QRFPR: variants seen among roughly 807,000 people sequenced by gnomAD.
QRFPR encodes the protein pyroglutamylated RFamide peptide receptor.
A neutral mutation model predicts 31.3 loss-of-function variants in QRFPR; 37 were observed. The ratio of observed to expected loss-of-function variants is 1.18; its 90% confidence interval spans 0.91 to 1.56. The LOEUF is 1.56. QRFPR is among the 40% of genes most tolerant of loss of function. The pLI is 0.00. For synonymous variants in QRFPR, 197 were observed against 192.0 expected, an observed-to-expected ratio of 1.03 and a Z score of -0.22; for missense variants, 542 against 532.5, an observed-to-expected ratio of 1.02 and a Z score of -0.18.
rs939513871 is a variant in QRFPR, at chr4:121,380,626, G to C, written c.22C>G (p.Pro8Ala). ...CGCAGCAGCCGAGAGAACTGCTCCG[G>C]GGTAATGTTAAGCGCCTGCATTGCT... MQALNIT[P>A]EQFSRLLRDH... The change falls in exon 1 of 6, where the codon CCG becomes GCG. Residue 8 changes from proline (P) to alanine (A), a missense_variant. Coordinates refer to ENST00000394427, the MANE Select transcript of QRFPR (RefSeq NM_198179.3). 1 of 1,579,892 alleles carries C rather than the reference G, an allele frequency of 6.3e-7. No individual in the cohort carries two copies. Among genetic ancestry groups the C allele is most frequent in the African/African-American group, 1.3e-5 (1 of 74,236 alleles).
intron 2 of QRFPR, 81 bp downstream of exon 2, chr4:121,340,371 C>T (rs2110470174): frequency 6.9e-7 from 1 of 1,458,430 alleles, no homozygotes; most frequent in South Asian, 1.2e-5. Flanking sequence ...AGAAGCTACT[C>T]TTCTAGTTTA....
intron 1 of QRFPR, among the ~76,000 whole-genome samples, 153 bp downstream of exon 1, chr4:121,380,155 A>G (rs1480661677): frequency 6.8e-6 from 1 of 147,216 alleles, no homozygotes; most frequent in Non-Finnish European, 1.5e-5. Context: ...TAAGGAAGAG[A>G]CAGACGAGAG....
chr4:121,370,396 G>A (rs917716677), intron 1 of QRFPR: 6 of 695,504 alleles, frequency 8.6e-6, no homozygotes, highest in African/African-American at 3.5e-5. Context: ...CTGCCACCAC[G>A]GTGAAATGAT....
chr4:121,350,423 T>G (rs578074270), intron 1 of QRFPR, among the ~76,000 whole-genome samples: 5 of 152,308 alleles, frequency 3.3e-5, no homozygotes, highest in South Asian at 4.1e-4. Flanking sequence ...TATTTCAGAT[T>G]GACATTCTGA....
intron 1 of QRFPR, among the ~76,000 whole-genome samples, chr4:121,341,045 A>G (rs575403066): frequency 1.3e-4 from 20 of 151,972 alleles, no homozygotes; most frequent in African/African-American, 4.6e-4. Context: ...TTCTTCTTTT[A>G]TCATTTATTC....
intron 1 of QRFPR, among the ~76,000 whole-genome samples, chr4:121,354,992 G>A (rs1725837454): frequency 6.6e-6 from 1 of 151,916 alleles, no homozygotes; most frequent in Non-Finnish European, 1.5e-5. Flanking sequence ...AGAGGTTTTT[G>A]CATCTATGCT....
At chr4:121,370,589 G>A (rs139949209) in intron 1 of QRFPR, among the ~76,000 whole-genome samples, 12 of 152,286 alleles carry the variant, frequency 7.9e-5, no homozygotes, top group African/African-American at 2.2e-4. Context: ...AGGCTGTGGC[G>A]CATCTGGACC....
chr4:121,340,321 G>A lies in QRFPR; in HGVS notation c.499+131C>T, dbSNP rs762437582. 1.3e-5 allele frequency: 13 copies of A among 1,008,992 alleles called. No individual in the cohort carries two copies. In the Admixed American group the frequency reaches 2.3e-4, roughly 18 times the overall value. The allele number at this position is 1,008,992 out of a possible 1,614,324, so 62.5% of individuals were successfully genotyped here. A position where few individuals can be genotyped will look rare whatever the true frequency, so the allele number is the denominator to read the frequency against. ...GATGAAGGCAAACAGGGAAAGCACT[G>A]AAACTCTCAAATTATATTCCAATGC... On this transcript the variant is annotated intron_variant, in intron 2 of 5. Transcript: ENST00000394427.
chr4:121,358,729 T>C (rs997854284), intron 1 of QRFPR, among the ~76,000 whole-genome samples: 1 of 152,240 alleles, frequency 6.6e-6, no homozygotes, highest in Non-Finnish European at 1.5e-5. Flanking sequence ...TCTCTTCTTT[T>C]GTCCTTATTT....
intron 1 of QRFPR, among the ~76,000 whole-genome samples, chr4:121,352,170 G>T (rs1431766111): frequency 6.6e-6 from 1 of 152,004 alleles, no homozygotes; most frequent in African/African-American, 2.4e-5. Context: ...TGGATTATGA[G>T]TTAAAAATTC....
At chr4:121,360,635 C>T (rs1481894381) in intron 1 of QRFPR, among the ~76,000 whole-genome samples, 1 of 152,098 alleles carries the variant, frequency 6.6e-6, no homozygotes, top group Non-Finnish European at 1.5e-5. Context: ...ACTGTATTTC[C>T]ATTTTGTAAA....
intron 1 of QRFPR, among the ~76,000 whole-genome samples, chr4:121,342,359 A>T (rs1725559563): frequency 6.6e-6 from 1 of 152,082 alleles, no homozygotes. Flanking sequence ...GGAACTTCCC[A>T]GTGTCTGCAG....
At chr4:121,344,861 A>C (rs963889693) in intron 1 of QRFPR, among the ~76,000 whole-genome samples, 3 of 152,178 alleles carry the variant, frequency 2.0e-5, no homozygotes, top group African/African-American at 7.2e-5. Flanking sequence ...TATGGGTCTA[A>C]ATTATTTGTA....
At chr4:121,344,638 C>T (rs1725609604) in intron 1 of QRFPR, among the ~76,000 whole-genome samples, 1 of 152,146 alleles carries the variant, frequency 6.6e-6, no homozygotes, top group South Asian at 2.1e-4. Flanking sequence ...TTTATTTTCA[C>T]TCTAACCATC....
intron 1 of QRFPR, among the ~76,000 whole-genome samples, chr4:121,357,990 C>A (rs1316470412): frequency 6.6e-6 from 1 of 152,138 alleles, no homozygotes; most frequent in Non-Finnish European, 1.5e-5. Flanking sequence ...ACAGGCTGTG[C>A]AACATATATA....
At chr4:121,338,935 A>G (rs935916158) in intron 2 of QRFPR, among the ~76,000 whole-genome samples, 6 of 152,102 alleles carry the variant, frequency 3.9e-5, no homozygotes, top group African/African-American at 1.4e-4. Flanking sequence ...TTCCATCCCC[A>G]CATGCTGTTT....
At chr4:121,340,135 T>TAA in intron 2 of QRFPR, 1 of 150,584 alleles carries the variant, frequency 6.6e-6, no homozygotes, top group Non-Finnish European at 1.3e-5. Flanking sequence ...AAAAAAAAGA[T>TAA]AGTTCTCAAT....
intron 1 of QRFPR, among the ~76,000 whole-genome samples, chr4:121,354,827 A>G (rs1725834255): frequency 6.6e-6 from 1 of 152,050 alleles, no homozygotes; most frequent in Non-Finnish European, 1.5e-5. Context: ...TGAAATGATC[A>G]TATGGTTTTT....
rs72917707 is a variant in QRFPR, at chr4:121,335,317, A to G, written c.561+1490T>C. On this transcript the variant is annotated intron_variant, in intron 3 of 5. Coordinates refer to ENST00000394427, the MANE Select transcript of QRFPR (RefSeq NM_198179.3). The stretch of plus-strand genomic sequence containing the variant: ...ACCACACAATTTAGAACTAGAGTGA[A>G]TCATTATGAAAAGGCTCCACCAGTC... Among the ~76,000 whole-genome samples, 870 of 152,164 alleles carry G rather than the reference A, an allele frequency of 5.7e-3. 12 individuals carry two copies. The highest frequency in any genetic ancestry group is 0.02 in the African/African-American group (835 of 41,514).
Sources: gnomAD v4.1 joint callset for allele counts (sites outside exome capture counted in the v4.1 genomes callset) on GRCh38, gnomAD v4.1.1 for gene constraint, MANE v1.5 for transcripts, NCBI Gene and HGNC (gene_info 2026-07-23, HGNC 2026-07-21) for gene names.